Variants in ANK1 observed in about 807,000 individuals in gnomAD.
The protein encoded by ANK1 is ankyrin-1.
A neutral mutation model predicts 210.4 loss-of-function variants in ANK1; 51 were observed. The ratio of observed to expected loss-of-function variants is 0.24; its 90% CI spans 0.19 to 0.31. The LOEUF (loss-of-function observed/expected upper bound fraction) is 0.31. Among genes scored for constraint, ANK1 ranks in the 10% least tolerant of loss-of-function variants. The pLI is 1.00. For missense variants in ANK1, 2,051 were observed against 2,504.4 expected (o/e 0.82, Z 3.86); for synonymous variants, 967 against 1,025.9 (o/e 0.94, Z 1.10).
At chr8:41,698,164 T>G (rs1234104552) in intron 23 of ANK1, 43 bp from the exon 24 acceptor site, 1 of 1,594,060 alleles carries the variant, frequency 6.3e-7, no homozygotes, top group Admixed American at 1.7e-5. Context: ...CTGATCCACA[T>G]GTGCACACAG....
intron 5 of ANK1, 141 bp from the exon 6 acceptor site, chr8:41,726,087 C>T (rs1440100623): frequency 4.2e-6 from 4 of 962,114 alleles, no homozygotes; most frequent in African/African-American, 3.2e-5. Context: ...CCTCTTCATC[C>T]GCCAAGTTTA....
intron 37 of ANK1, among the ~76,000 whole-genome samples, chr8:41,683,497 C>T (rs981025982): frequency 2.6e-5 from 4 of 152,204 alleles, no homozygotes; most frequent in Non-Finnish European, 5.9e-5. Context: ...GTCACAGGTG[C>T]CCACCCTCAG....
rs1554674373 is a variant in ANK1 at position 41,896,343 on chromosome 8, G to A, written c.126+12C>T. On this transcript the variant is annotated intron_variant, in intron 1 of 42. Transcript: ENST00000265709. ...CCGCGGTCGCTGGGCTTTCACCGCCGCCCCCTCCTACCTTCTTCTTTCGGT... is the reference window on the plus strand; with the variant it reads ...CCGCGGTCGCTGGGCTTTCACCGCCACCCCCTCCTACCTTCTTCTTTCGGT... The A allele has an allele frequency of 3.8e-6, 6 of 1,586,606 alleles. No individual in the cohort carries two copies. The South Asian group carries it at 5.7e-5, about 15-fold the overall frequency.
At chr8:41,815,494 C>A (rs1248697568) in intron 1 of ANK1, among the ~76,000 whole-genome samples, 1 of 152,102 alleles carries the variant, frequency 6.6e-6, no homozygotes, top group African/African-American at 2.4e-5. Context: ...TCTCTTTCTT[C>A]CCAACTTCAT....
At chr8:41,859,377 C>T (rs759776671) in intron 1 of ANK1, among the ~76,000 whole-genome samples, 1 of 152,136 alleles carries the variant, frequency 6.6e-6, no homozygotes, top group Non-Finnish European at 1.5e-5. Context: ...TTGACACTCT[C>T]GCTCTGTCGC....
chr8:41,848,151 C>CTG (rs1277790730), intron 1 of ANK1, among the ~76,000 whole-genome samples: 5 of 151,318 alleles, frequency 3.3e-5, no homozygotes, highest in Non-Finnish European at 5.9e-5. Context: ...TGCCACTGCA[C>CTG]TCCAGCCTGG....
At chr8:41,665,829 C>A (rs531320306) in intron 39 of ANK1, 3 of 154,746 alleles carry the variant, frequency 1.9e-5, no homozygotes, top group African/African-American at 7.2e-5. Flanking sequence ...CCTCCCAAAA[C>A]TGAAGCATGG....
intron 1 of ANK1, among the ~76,000 whole-genome samples, chr8:41,895,498 A>C (rs1282945295): frequency 6.6e-6 from 1 of 151,866 alleles, no homozygotes; most frequent in Non-Finnish European, 1.5e-5. Context: ...CAGACCCCAA[A>C]AGGGCTAAAA....
chr8:41,664,774 C>T (rs1487229926), intron 39 of ANK1: 2 of 1,574,892 alleles, frequency 1.3e-6, no homozygotes, highest in South Asian at 2.3e-5. Context: ...CCCACACCAC[C>T]AGCCCTGCCG....
At chr8:41,737,027 C>T (rs759546695) in intron 2 of ANK1, among the ~76,000 whole-genome samples, 14 of 152,276 alleles carry the variant, frequency 9.2e-5, no homozygotes, top group South Asian at 2.1e-4. Flanking sequence ...TGGCTGGGCA[C>T]GGTGGCTCAC....
intron 1 of ANK1, among the ~76,000 whole-genome samples, chr8:41,803,031 AAGAAAGAAAG>A (rs1403108366): frequency 2.0e-3 from 199 of 97,172 alleles, no homozygotes; most frequent in Non-Finnish European, 3.4e-3. Context: ...GAAAGAAAGA[AAGAAAGAAAG>A]AGAAAGAAAG....
At chr8:41,798,625 G>A (rs1237173082), upstream of ANK1, among the ~76,000 whole-genome samples, 1 of 152,246 alleles carries the variant, frequency 6.6e-6, no homozygotes, top group Non-Finnish European at 1.5e-5. Flanking sequence ...TGGAATGGCA[G>A]TTGGTGGCTG....
rs1872876 is a variant in ANK1, at chr8:41,728,143, G to A, written c.229-137C>T. The A allele has an allele frequency of 4.0e-5, 28 of 708,580 alleles. No individual in the cohort carries two copies. The African/African-American group carries it at 4.0e-4, about 10-fold the overall frequency. 43.9% of individuals were successfully genotyped at this position (708,580 alleles called of 1,614,324 possible). A position where few individuals can be genotyped will look rare whatever the true frequency, so the allele number is the denominator to read the frequency against. ...GCCAAAAGGGGTAGAAAGGACACAC[G>A]TGTGTGCTTGACCCATTGCACATCC... On this transcript the variant is annotated intron_variant, in intron 3 of 42. Coordinates refer to ENST00000289734, the MANE Select transcript of ANK1 (RefSeq NM_000037.4).
intron 9 of ANK1, among the ~76,000 whole-genome samples, chr8:41,722,401 G>C (rs576211743): frequency 9.2e-5 from 14 of 152,306 alleles, no homozygotes; most frequent in Non-Finnish European, 1.8e-4. Context: ...AGAACTGCTC[G>C]TGGGAAACCT....
At chr8:41,750,085 T>A (rs546585816) in intron 2 of ANK1, among the ~76,000 whole-genome samples, 6 of 152,382 alleles carry the variant, frequency 3.9e-5, no homozygotes, top group African/African-American at 1.4e-4. Flanking sequence ...ATTATCACCA[T>A]CACCAGAGCA....
intron 23 of ANK1, 30 bp downstream of exon 23, chr8:41,699,422 C>A: frequency 6.2e-7 from 1 of 1,609,760 alleles, no homozygotes; most frequent in Non-Finnish European, 8.5e-7. Context: ...TCTCGGCACC[C>A]CCGGGGACCC....
chr8:41,851,836 A>G (rs1358157171), intron 1 of ANK1, among the ~76,000 whole-genome samples: 1 of 152,166 alleles, frequency 6.6e-6, no homozygotes, highest in East Asian at 1.9e-4. Context: ...CAGCTGGGTG[A>G]CAGAGCCAGA....
In ANK1 at chr8:41,747,449, C is replaced by A. The variant is rs115110148; in HGVS notation, c.129+10587G>T. Among the ~76,000 whole-genome samples the A allele has an allele frequency of 6.3e-3, 963 of 152,308 alleles. 15 individuals are homozygous for A. Among genetic ancestry groups the A allele is most frequent in the African/African-American group, 0.022 (900 of 41,550 alleles). Reference sequence around the variant, plus strand: ...TGCTTTCTTGGCCATGTTCCACGGACCTTGATAACTCTCTCAAGACCCTCA... The same window carrying A: ...TGCTTTCTTGGCCATGTTCCACGGAACTTGATAACTCTCTCAAGACCCTCA... On this transcript the variant is annotated intron_variant, in intron 2 of 42. Coordinates refer to ENST00000289734, the MANE Select transcript of ANK1 (RefSeq NM_000037.4).
In ANK1 at chr8:41,692,782, A is replaced by G. The variant is rs1451035163; in HGVS notation, c.3724T>C (p.Phe1242Leu). ...TCATTCATCTTGGCAAAGATGACGA[A>G]TTTGGCCATGTAGGGCACTGCAGTG... is the stretch of plus-strand genomic sequence containing the variant. The part of the protein sequence containing the change: ...ELTAVPYMAK[F>L]VIFAKMNDPR... Residue 1242 changes from phenylalanine to leucine, a missense_variant, in exon 31 of 43, where the codon TTC becomes CTC. Physicochemically the swap from Phe to Leu is conservative, Grantham distance 22 (BLOSUM62 0). Around this residue, in one of 6 missense-constraint regions of ANK1, gnomAD observed 1,413 missense variants for 1,707.4 expected, o/e 0.83. Transcript: ENST00000289734. 3.1e-6 allele frequency: 5 copies of G among 1,614,074 alleles called. No homozygotes were observed. Among genetic ancestry groups the G allele is most frequent in the East Asian group, 4.5e-5 (2 of 44,860 alleles).
Sources: allele counts gnomAD v4.1 joint callset (sites outside exome capture counted in the v4.1 genomes callset), GRCh38; gene constraint gnomAD v4.1.1; regional missense constraint gnomAD v4.1.1; transcripts MANE v1.5; gene names NCBI Gene and HGNC (gene_info 2026-07-23, HGNC 2026-07-21).